The following NPFFR2 variants were observed in gnomAD, a reference collection of about 807,000 sequenced individuals.
NPFFR2 encodes the protein neuropeptide FF receptor 2.
In NPFFR2, 15 loss-of-function variants were observed where a neutral mutation model predicts 13.1. The ratio of observed to expected loss-of-function variants is 1.15; its 90% confidence interval spans 0.77 to 1.76. The LOEUF (loss-of-function observed/expected upper bound fraction) is 1.76, where lower values mean the gene tolerates loss of function less well. NPFFR2 is among the 40% of genes most tolerant of loss of function. The probability of loss-of-function intolerance (pLI) is 0.00; values close to 1 mark genes in which losing one functional copy is unlikely to be tolerated. For missense variants in NPFFR2, 572 were observed against 503.5 expected (o/e 1.14, Z -1.30); for synonymous variants, 190 against 175.7 (o/e 1.08, Z -0.65).
intron 3 of NPFFR2, among the ~76,000 whole-genome samples, chr4:72,143,228 C>T (rs550002071): frequency 3.4e-4 from 51 of 152,182 alleles, no homozygotes; most frequent in African/African-American, 7.2e-4. Context: ...AGATTTATTA[C>T]GAGAAATTGA....
chr4:72,064,498 T>C (rs1043289950), intron 1 of NPFFR2, among the ~76,000 whole-genome samples: 2 of 152,166 alleles, frequency 1.3e-5, no homozygotes, highest in Non-Finnish European at 2.9e-5. Context: ...TGTTACCTAA[T>C]CTCAGACGTG....
At chr4:72,035,632 G>T (rs1202076612) in intron 1 of NPFFR2, among the ~76,000 whole-genome samples, 1 of 152,094 alleles carries the variant, frequency 6.6e-6, no homozygotes, top group Admixed American at 6.5e-5. Flanking sequence ...AAGCATACCA[G>T]CTAGGCTGTA....
intron 1 of NPFFR2, among the ~76,000 whole-genome samples, chr4:72,085,483 A>T (rs948369382): frequency 2.6e-5 from 4 of 152,100 alleles, no homozygotes; most frequent in Non-Finnish European, 5.9e-5. Context: ...ACATGCCTTA[A>T]TCTACTTCTT....
Position 72,147,912 on chromosome 4 carries a change from A to T in NPFFR2, c.*100A>T. On this transcript the variant is annotated 3_prime_UTR_variant, in exon 4 of 4. Transcript: ENST00000308744. ...TTCAAATTTTTCAAAGAATGTTCTAAATAAAACATTTACTGAAAGCCCTCT... is the reference window on the plus strand; with the variant it reads ...TTCAAATTTTTCAAAGAATGTTCTATATAAAACATTTACTGAAAGCCCTCT... The T allele has an allele frequency of 6.4e-6, 6 of 930,334 alleles. No homozygotes were observed. Among genetic ancestry groups the T allele is most frequent in the African/African-American group, 1.7e-5 (1 of 59,316 alleles). 57.6% of individuals were successfully genotyped at this position (930,334 alleles called of 1,614,324 possible). A position where few individuals can be genotyped will look rare whatever the true frequency, so the allele number is the denominator to read the frequency against.
chr4:72,068,454 C>G (rs915466706), intron 1 of NPFFR2, among the ~76,000 whole-genome samples: 12 of 152,172 alleles, frequency 7.9e-5, no homozygotes, highest in African/African-American at 2.9e-4. Flanking sequence ...TTCTTAAAGG[C>G]CCTACAATAG....
intron 1 of NPFFR2, among the ~76,000 whole-genome samples, chr4:72,061,725 T>C (rs1719925801): frequency 6.6e-6 from 1 of 151,120 alleles, no homozygotes; most frequent in Non-Finnish European, 1.5e-5. Context: ...TAAGTAGGAG[T>C]TGAACAATGA....
At chr4:72,138,252 A>C (rs142515523) in intron 3 of NPFFR2, 113 bp downstream of exon 3, 1 of 673,234 alleles carries the variant, frequency 1.5e-6, no homozygotes, top group South Asian at 1.8e-5. Flanking sequence ...TGTATTCACA[A>C]TATCTACCTC....
chr4:72,082,822 AG>A (rs528679403), intron 1 of NPFFR2, among the ~76,000 whole-genome samples: 145 of 151,914 alleles, frequency 9.5e-4, no homozygotes, highest in African/African-American at 3.1e-3. Context: ...TGCCCACCCC[AG>A]CCCCCACTCC....
At chr4:72,047,990 A>G (rs536574245) in intron 1 of NPFFR2, among the ~76,000 whole-genome samples, 3 of 152,150 alleles carry the variant, frequency 2.0e-5, no homozygotes, top group African/African-American at 7.2e-5. Context: ...CCCCCACTCA[A>G]TCTCTCATTA....
chr4:72,032,246 C>G (rs757344196), intron 1 of NPFFR2, 46 bp downstream of exon 1: 145 of 1,536,904 alleles, frequency 9.4e-5, no homozygotes, highest in Non-Finnish European at 1.2e-4. Flanking sequence ...CTTGGGGGCG[C>G]GACCCCTCTC....
rs1326472799 is a variant in NPFFR2 at position 72,068,837 on chromosome 4, AGTT to A, written c.-8+36638_-8+36640del. On this transcript the variant is annotated intron_variant, in intron 1 of 3. Coordinates refer to ENST00000308744, the MANE Select transcript of NPFFR2 (RefSeq NM_004885.3). ...TAGAATATGAATGCCTGAGGTTCTT[AGTT>A]TTTTTTTTTTTTTATCTTATCTTTT... is the stretch of plus-strand genomic sequence containing the variant. The A allele has an allele frequency of 1.1e-3, 392 of 361,784 alleles. 3 individuals are homozygous for A. The highest frequency in any genetic ancestry group is 8.8e-3 in the African/African-American group (365 of 41,286). The allele number at this position is 361,784 out of a possible 1,614,324, so 22.4% of individuals were successfully genotyped here.
At chr4:72,062,923 AT>A (rs1222159037) in intron 1 of NPFFR2, among the ~76,000 whole-genome samples, 1 of 141,498 alleles carries the variant, frequency 7.1e-6, no homozygotes. Context: ...TATTAGTTGA[AT>A]TTCTAGGAGA....
At chr4:72,073,551 C>G (rs1003397546) in intron 1 of NPFFR2, among the ~76,000 whole-genome samples, 4 of 151,494 alleles carry the variant, frequency 2.6e-5, no homozygotes, top group African/African-American at 9.8e-5. Flanking sequence ...ACTTTTTGTT[C>G]TCTACTCTAT....
chr4:72,062,804 A>C (rs1468225481), intron 1 of NPFFR2, among the ~76,000 whole-genome samples: 3 of 152,188 alleles, frequency 2.0e-5, no homozygotes, highest in South Asian at 4.1e-4. Context: ...GATTCAGCCC[A>C]GTTGTCTCAG....
At chr4:72,066,336 C>A (rs549634073) in intron 1 of NPFFR2, among the ~76,000 whole-genome samples, 2 of 152,126 alleles carry the variant, frequency 1.3e-5, no homozygotes, top group Non-Finnish European at 2.9e-5. Context: ...AATACCATCT[C>A]GTTGGTCATT....
intron 3 of NPFFR2, among the ~76,000 whole-genome samples, chr4:72,141,500 C>A (rs1722622461): frequency 6.6e-6 from 1 of 152,150 alleles, no homozygotes; most frequent in South Asian, 2.1e-4. Context: ...TTTATTTCTG[C>A]CTTCATTTCA....
At chr4:72,076,823 C>T (rs2109789373) in intron 1 of NPFFR2, among the ~76,000 whole-genome samples, 1 of 152,262 alleles carries the variant, frequency 6.6e-6, no homozygotes, top group South Asian at 2.1e-4. Flanking sequence ...TCCTTTGGTG[C>T]TGCACTTTCA....
intron 1 of NPFFR2, among the ~76,000 whole-genome samples, chr4:72,049,119 T>A (rs1401804959): frequency 6.6e-6 from 1 of 152,120 alleles, no homozygotes; most frequent in Non-Finnish European, 1.5e-5. Context: ...AATTGGATTG[T>A]TTTATCTGAA....
intron 1 of NPFFR2, among the ~76,000 whole-genome samples, chr4:72,065,837 G>C (rs151310847): frequency 0.013 from 2,001 of 152,170 alleles, 53 homozygotes; most frequent in African/African-American, 0.045. Flanking sequence ...TCTTCAGAAG[G>C]CTCATCCTTG....
Sources: gnomAD v4.1 joint callset for allele counts (sites outside exome capture counted in the v4.1 genomes callset) on GRCh38, gnomAD v4.1.1 for gene constraint, MANE v1.5 for transcripts, NCBI Gene and HGNC (gene_info 2026-07-23, HGNC 2026-07-21) for gene names.